Variants in PUS10 observed in about 807,000 individuals in gnomAD.
PUS10 encodes pseudouridine synthase 10, also known as tRNA pseudouridine synthase Pus10.
PUS10 carries 59 observed loss-of-function variants against 75.0 expected under a neutral mutation model. The observed-to-expected ratio is 0.79, with a 90% confidence interval of 0.64 to 0.98. PUS10 has a LOEUF of 0.98. Ranked by LOEUF, PUS10 falls within the 50% of genes least tolerant of loss-of-function variation. PUS10 has a pLI of 0.00. For missense variants in PUS10, 650 were observed against 614.4 expected, an observed-to-expected ratio of 1.06 and a Z score of -0.61; for synonymous variants, 219 against 211.6, an observed-to-expected ratio of 1.03 and a Z score of -0.30.
chr2:60,969,044 G>T (rs970822728), intron 5 of PUS10, among the ~76,000 whole-genome samples: 8 of 152,112 alleles, frequency 5.3e-5, no homozygotes, highest in Non-Finnish European at 8.8e-5. Context: ...CGTTGAAACA[G>T]AAAACACAAG....
chr2:60,954,169 A>G lies in PUS10; in HGVS notation c.1058-11T>C. ...TTGCAAAGGGCCTTCCTGGCAGCAC[A>G]CACCCCGTCATGAAACAGAAACGTG... On this transcript the variant is annotated splice_polypyrimidine_tract_variant and intron_variant, in intron 12 of 17. Coordinates refer to ENST00000316752, the MANE Select transcript of PUS10 (RefSeq NM_144709.4). 6.2e-7 allele frequency: 1 copy of G among 1,613,832 alleles called. No homozygotes were observed. Among genetic ancestry groups the G allele is most frequent in the South Asian group, 1.1e-5 (1 of 91,072 alleles).
At chr2:61,016,275 T>A (rs981620339) in intron 1 of PUS10, among the ~76,000 whole-genome samples, 2 of 152,222 alleles carry the variant, frequency 1.3e-5, no homozygotes, top group Non-Finnish European at 2.9e-5. Context: ...CTCTTTTGAA[T>A]GTGTGTTAAT....
intron 4 of PUS10, among the ~76,000 whole-genome samples, chr2:60,999,534 A>G (rs1391493570): frequency 6.6e-6 from 1 of 152,162 alleles, no homozygotes; most frequent in Non-Finnish European, 1.5e-5. Context: ...CGGGAGGATT[A>G]CTTGAGCCTA....
At chr2:60,953,279 C>T (rs1278577012) in intron 14 of PUS10, among the ~76,000 whole-genome samples, 165 bp from the exon 15 acceptor site, 1 of 152,188 alleles carries the variant, frequency 6.6e-6, no homozygotes. Flanking sequence ...GCTATTACCA[C>T]AATCTAGTTT....
Position 60,942,343 on chromosome 2 carries a change from G to C in PUS10, c.*52C>G, listed in dbSNP as rs372976988. 2.7e-6 allele frequency: 4 copies of C among 1,482,986 alleles called. No individual in the cohort carries two copies. The African/African-American group carries it at 5.5e-5, about 21-fold the overall frequency. The allele number at this position is 1,482,986 out of a possible 1,614,324, so 91.9% of individuals were successfully genotyped here. On this transcript the variant is annotated 3_prime_UTR_variant, in exon 18 of 18. Transcript: ENST00000316752. The stretch of plus-strand genomic sequence containing the variant: ...GCCATTTTACGGCATGTGCTCCATG[G>C]ATGTCCACATCATGCCAGGAAAACC...
intron 2 of PUS10, chr2:61,009,841 A>G (rs1249717781): frequency 6.6e-6 from 1 of 152,254 alleles, no homozygotes; most frequent in East Asian, 1.9e-4. Flanking sequence ...AAAATCTTTC[A>G]CTCAAACAAA....
chr2:61,011,057 C>T (rs1308779766), intron 2 of PUS10, among the ~76,000 whole-genome samples: 1 of 152,068 alleles, frequency 6.6e-6, no homozygotes, highest in African/African-American at 2.4e-5. Context: ...AACTCCTGGA[C>T]AATTTTTTAA....
chr2:60,944,848 AT>A (rs1243007721), intron 17 of PUS10, among the ~76,000 whole-genome samples, 160 bp downstream of exon 17: 1 of 152,110 alleles, frequency 6.6e-6, no homozygotes, highest in Non-Finnish European at 1.5e-5. Context: ...AAAAAAAAAA[AT>A]CCGAAGACAG....
intron 16 of PUS10, among the ~76,000 whole-genome samples, chr2:60,947,412 C>A (rs973998465): frequency 2.0e-5 from 3 of 152,156 alleles, no homozygotes; most frequent in African/African-American, 7.2e-5. Context: ...GTCAAGACAG[C>A]AAATGAATCC....
rs148130332 is a variant in PUS10 at position 61,009,677 on chromosome 2, A to G, written c.127-662T>C. 7.8e-3 allele frequency among the ~76,000 whole-genome samples: 1,187 copies of G among 152,232 alleles called. 8 individuals are homozygous for G. The highest frequency in any genetic ancestry group is 0.012 in the Non-Finnish European group (827 of 67,978). On this transcript the variant is annotated intron_variant, in intron 2 of 17. Transcript: ENST00000316752. The stretch of plus-strand genomic sequence containing the variant: ...ATTTAAAAACCTGCATTTCTTTGAA[A>G]CCATTCTCATATTTCTCTCATTCAG...
chr2:60,955,983 G>C (rs1304338782), intron 11 of PUS10, among the ~76,000 whole-genome samples: 1 of 152,036 alleles, frequency 6.6e-6, no homozygotes, highest in African/African-American at 2.4e-5. Context: ...CATTATATAT[G>C]ATTATACATG....
chr2:60,971,381 A>G (rs1358885171), intron 5 of PUS10, 142 bp downstream of exon 5: 1 of 731,706 alleles, frequency 1.4e-6, no homozygotes, highest in Non-Finnish European at 2.5e-6. Flanking sequence ...AATGTATAGA[A>G]TAAAAATTGG....
chr2:60,971,789 G>C (rs1676679284), intron 4 of PUS10, among the ~76,000 whole-genome samples: 1 of 151,986 alleles, frequency 6.6e-6, no homozygotes, highest in Non-Finnish European at 1.5e-5. Context: ...AATTCAGCCG[G>C]GGTATCCCCC....
At chr2:61,006,536 T>C in intron 4 of PUS10, 21 bp downstream of exon 4, 2 of 1,530,412 alleles carry the variant, frequency 1.3e-6, no homozygotes, top group Non-Finnish European at 1.8e-6. Context: ...CATACAGTTT[T>C]ATGCATGCAA....
Position 60,940,707 on chromosome 2 carries a change from A to C in PUS10, c.*1688T>G, listed in dbSNP as rs1176299054. 1 of 152,328 alleles carries C rather than the reference A, an allele frequency of 6.6e-6. No individual in the cohort carries two copies. Among genetic ancestry groups the C allele is most frequent in the Non-Finnish European group, 1.5e-5 (1 of 68,006 alleles). The allele number at this position is 152,328 out of a possible 1,614,324, so 9.4% of individuals were successfully genotyped here. A position where few individuals can be genotyped will look rare whatever the true frequency, so the allele number is the denominator to read the frequency against. The stretch of plus-strand genomic sequence containing the variant: ...CTAGATTCAAAGGTAAGCCAAAAAT[A>C]CCATGCAAAAGACTGCCTCCTAAAT... On this transcript the variant is annotated 3_prime_UTR_variant, in exon 18 of 18. Coordinates refer to ENST00000316752, the MANE Select transcript of PUS10 (RefSeq NM_144709.4).
Position 60,941,667 on chromosome 2 carries a change from CT to C in PUS10, c.*727del, listed in dbSNP as rs1397919457. The C allele has an allele frequency of 1.3e-5, 2 of 152,250 alleles. No individual in the cohort carries two copies. Among genetic ancestry groups the C allele is most frequent in the African/African-American group, 4.8e-5 (2 of 41,430 alleles). The allele number at this position is 152,250 out of a possible 1,614,324, so 9.4% of individuals were successfully genotyped here. A position where few individuals can be genotyped will look rare whatever the true frequency, so the allele number is the denominator to read the frequency against. ...CCTGGGATTGAAGTTATTAAAGGCA[CT>C]TGTTTCTCCTTATTTAAAAGATTTA... On this transcript the variant is annotated 3_prime_UTR_variant, in exon 18 of 18. Transcript: ENST00000316752.
At chr2:60,972,426 C>T (rs1461381193) in intron 4 of PUS10, among the ~76,000 whole-genome samples, 1 of 151,518 alleles carries the variant, frequency 6.6e-6, no homozygotes, top group Non-Finnish European at 1.5e-5. Flanking sequence ...GCCGAGATCG[C>T]GCCACTGCCC....
intron 4 of PUS10, among the ~76,000 whole-genome samples, chr2:61,006,080 T>TA (rs1200890002): frequency 1.3e-5 from 2 of 152,008 alleles, no homozygotes; most frequent in Admixed American, 6.6e-5. Flanking sequence ...GAAAACAGTT[T>TA]AAAAAAAATG....
intron 4 of PUS10, among the ~76,000 whole-genome samples, chr2:61,000,803 T>C (rs1345300049): frequency 6.6e-6 from 1 of 152,214 alleles, no homozygotes; most frequent in Non-Finnish European, 1.5e-5. Context: ...GAGATATTTA[T>C]ATCCTACTGC....
Sources: allele counts gnomAD v4.1 joint callset (sites outside exome capture counted in the v4.1 genomes callset), GRCh38; gene constraint gnomAD v4.1.1; transcripts MANE v1.5; gene names NCBI Gene and HGNC (gene_info 2026-07-23, HGNC 2026-07-21).